The following BMP1 variants were observed in gnomAD, a reference collection of about 807,000 sequenced individuals.
BMP1 encodes mammalian tolloid protein.
BMP1 carries 63 observed loss-of-function variants against 116.8 expected under a neutral mutation model. The observed-to-expected ratio is 0.54, with a 90% CI of 0.44 to 0.67. BMP1 has a LOEUF of 0.67. Among genes scored for constraint, BMP1 ranks in the 30% least tolerant of loss-of-function variants. The pLI, the probability that BMP1 is intolerant of heterozygous loss-of-function variation, is 0.00. For synonymous variants in BMP1, 536 were observed against 533.4 expected (o/e 1.00, Z -0.07); for missense variants, 1,183 against 1,358.9 (o/e 0.87, Z 2.04).
chr8:22,188,980 C>T (rs1828856392), intron 8 of BMP1, among the ~76,000 whole-genome samples: 1 of 152,220 alleles, frequency 6.6e-6, no homozygotes, highest in South Asian at 2.1e-4. Context: ...CGCCCTCACT[C>T]GGCCCTCTGC....
rs567131698 is a variant in BMP1, at chr8:22,181,203, A to G, written c.1077+720A>G. ...CCTCCCTCTACCTGTCACCTGCTAT[A>G]TCAGTTCTGATCCATAGAGAAAGCT... On this transcript the variant is annotated intron_variant, in intron 8 of 19. Coordinates refer to ENST00000306385, the MANE Select transcript of BMP1 (RefSeq NM_006129.5). Among the ~76,000 whole-genome samples the G allele has an allele frequency of 1.6e-4, 24 of 152,212 alleles. No individual in the cohort carries two copies. In the South Asian group the frequency reaches 5.0e-3, roughly 32 times the overall value.
At chr8:22,196,934 G>A (rs955094730) in intron 14 of BMP1, 94 bp downstream of exon 14, 44 of 1,426,754 alleles carry the variant, frequency 3.1e-5, no homozygotes, top group African/African-American at 1.0e-4. Flanking sequence ...GAGGGGGCCC[G>A]GCAGAAACAC....
intron 16 of BMP1, among the ~76,000 whole-genome samples, chr8:22,205,664 A>G (rs1166960031): frequency 1.3e-5 from 2 of 152,094 alleles, no homozygotes; most frequent in Non-Finnish European, 2.9e-5. Flanking sequence ...AGTCCCAGCT[A>G]CTTGGGAGGC....
intron 8 of BMP1, among the ~76,000 whole-genome samples, chr8:22,190,214 C>CGCGCTTGG (rs1296849823): frequency 6.6e-6 from 1 of 152,190 alleles, no homozygotes; most frequent in Non-Finnish European, 1.5e-5. Flanking sequence ...AGTGAACTAC[C>CGCGCTTGG]GCGCTTGGCC....
chr8:22,211,793 G>A lies in BMP1; in HGVS notation c.*65G>A. 6.2e-7 allele frequency: 1 copy of A among 1,610,394 alleles called. No homozygotes were observed. The highest frequency in any genetic ancestry group is 1.1e-5 in the South Asian group (1 of 90,968). On this transcript the variant is annotated 3_prime_UTR_variant, in exon 20 of 20. Coordinates refer to ENST00000306385, the MANE Select transcript of BMP1 (RefSeq NM_006129.5). ...CTTGGTCGCCTAGACTGGATAGTGG[G>A]GGTGGGCGGAAGGCAACGCACCATC...
intron 16 of BMP1, among the ~76,000 whole-genome samples, chr8:22,206,154 G>A (rs1393229955): frequency 6.6e-6 from 1 of 152,120 alleles, no homozygotes; most frequent in Admixed American, 6.5e-5. Context: ...ATCACTTGGG[G>A]CCAGGAGTTC....
chr8:22,190,528 C>T (rs546819871), intron 8 of BMP1, among the ~76,000 whole-genome samples: 47 of 152,254 alleles, frequency 3.1e-4, no homozygotes, highest in Non-Finnish European at 5.6e-4. Flanking sequence ...AGACAATTTT[C>T]GATGAAGCCG....
intron 1 of BMP1, among the ~76,000 whole-genome samples, chr8:22,167,937 G>A (rs550909790): frequency 6.6e-6 from 1 of 152,212 alleles, no homozygotes; most frequent in Non-Finnish European, 1.5e-5. Context: ...TTTGCTTCCT[G>A]TATCCTCTGC....
At chr8:22,186,592 A>C (rs1161445426) in intron 8 of BMP1, among the ~76,000 whole-genome samples, 1 of 151,826 alleles carries the variant, frequency 6.6e-6, no homozygotes, top group Non-Finnish European at 1.5e-5. Flanking sequence ...TCAGCCTCCC[A>C]AGTAGCTGGG....
At position 22,207,423 on chromosome 8, in the gene BMP1, G is replaced by A. The variant is rs755631081; in HGVS notation, c.2482G>A (p.Glu828Lys). Residue 828 changes from glutamate (E) to lysine (K), a missense_variant, in exon 18 of 20, where the codon GAG (glutamate) becomes AAG (lysine). Around this residue, in one of 4 missense-constraint regions of BMP1, gnomAD observed 956 missense variants for 1,135.2 expected, o/e 0.84. Transcript: ENST00000306385. ...CCGCTTCTGTGGGAGCAAGAAGCCC[G>A]AGCCCGTCCTGGCCACAGGCAGCCG... The part of the protein sequence containing the change: ...LGRFCGSKKP[E>K]PVLATGSRMF... 1.4e-5 allele frequency: 23 copies of A among 1,614,110 alleles called. No homozygotes were observed. Among genetic ancestry groups the A allele is most frequent in the Non-Finnish European group, 1.7e-5 (20 of 1,180,050 alleles).
At chr8:22,192,204 C>A in intron 9 of BMP1, 53 bp downstream of exon 9, 1 of 1,464,222 alleles carries the variant, frequency 6.8e-7, no homozygotes, top group Non-Finnish European at 9.5e-7. Context: ...CTCTCTGAGC[C>A]ACCCTCATCA....
chr8:22,201,481 C>T (rs2131896285), intron 15 of BMP1: 1 of 1,400,798 alleles, frequency 7.1e-7, no homozygotes, highest in Non-Finnish European at 9.2e-7. Context: ...CTTTCTCTTG[C>T]AGTCTGCTTG....
At chr8:22,176,033 C>A in intron 2 of BMP1, 110 bp from the exon 3 acceptor site, 1 of 1,140,254 alleles carries the variant, frequency 8.8e-7, no homozygotes, top group Non-Finnish European at 1.2e-6. Flanking sequence ...TAAATTTTAG[C>A]CAGTAGACAA....
At chr8:22,168,018 A>T (rs1260832518) in intron 1 of BMP1, among the ~76,000 whole-genome samples, 3 of 152,130 alleles carry the variant, frequency 2.0e-5, no homozygotes, top group Non-Finnish European at 2.9e-5. Flanking sequence ...AAGGGCTGGA[A>T]CTGAAAGCTC....
chr8:22,190,210 C>G (rs1165349002), intron 8 of BMP1, among the ~76,000 whole-genome samples: 2 of 152,242 alleles, frequency 1.3e-5, no homozygotes, highest in African/African-American at 4.8e-5. Context: ...CAGGAGTGAA[C>G]TACCGCGCTT....
rs1334148727 is a variant in BMP1 at position 22,177,848 on chromosome 8, G to A, written c.731-4G>A. ...CCCCCACACCCTTTTCCTGATCTTGGCAGGGCAGGAGTATAACTTCCTGAA... is the reference window on the plus strand; with the variant it reads ...CCCCCACACCCTTTTCCTGATCTTGACAGGGCAGGAGTATAACTTCCTGAA... On this transcript the variant is annotated splice_region_variant and splice_polypyrimidine_tract_variant and intron_variant, in intron 5 of 19. Coordinates refer to ENST00000306385, the MANE Select transcript of BMP1 (RefSeq NM_006129.5). 6.2e-7 allele frequency: 1 copy of A among 1,604,384 alleles called. No individual in the cohort carries two copies. Among genetic ancestry groups the A allele is most frequent in the South Asian group, 1.1e-5 (1 of 90,474 alleles).
At chr8:22,201,188 C>A (rs1346198307) in intron 15 of BMP1, 1 of 1,607,368 alleles carries the variant, frequency 6.2e-7, no homozygotes, top group Admixed American at 1.7e-5. Context: ...AGAAAAGAAA[C>A]CGGACCCCCC....
At chr8:22,206,291 C>T (rs1353408498) in intron 16 of BMP1, among the ~76,000 whole-genome samples, 2 of 151,600 alleles carry the variant, frequency 1.3e-5, no homozygotes, top group African/African-American at 2.4e-5. Flanking sequence ...CTCCTGAGGT[C>T]GGGAGTTTGA....
chr8:22,180,284 A>T, intron 7 of BMP1, 84 bp from the exon 8 acceptor site: 1 of 1,094,906 alleles, frequency 9.1e-7, no homozygotes, highest in Non-Finnish European at 1.4e-6. Flanking sequence ...CCCCCAGAGG[A>T]TGCCAAGGTT....
Sources: allele counts gnomAD v4.1 joint callset (sites outside exome capture counted in the v4.1 genomes callset), GRCh38; gene constraint gnomAD v4.1.1; regional missense constraint gnomAD v4.1.1; transcripts MANE v1.5; gene names NCBI Gene and HGNC (gene_info 2026-07-23, HGNC 2026-07-21).